Variants in MAD1L1 observed in about 807,000 individuals in gnomAD.
The protein encoded by MAD1L1 is mitotic arrest deficient 1 like 1.
In MAD1L1, 95 loss-of-function variants were observed where a neutral mutation model predicts 96.9. That is an observed-to-expected ratio of 0.98 (90% CI 0.83 to 1.16). MAD1L1 has a LOEUF of 1.16. Among genes scored for constraint, MAD1L1 ranks in the 50% most tolerant of loss-of-function variants. The probability of loss-of-function intolerance (pLI) is 0.00; values close to 1 mark genes in which losing one functional copy is unlikely to be tolerated. For synonymous variants in MAD1L1, 473 were observed against 396.6 expected, an observed-to-expected ratio of 1.19 and a Z score of -2.29; for missense variants, 1,007 against 954.4, an observed-to-expected ratio of 1.06 and a Z score of -0.73.
chr7:2,104,077 G>C (rs56055755), intron 11 of MAD1L1, among the ~76,000 whole-genome samples: 4,125 of 152,312 alleles, frequency 0.027, 98 homozygotes, highest in South Asian at 0.09. Context: ...AGAGCTCTCC[G>C]GGCCAACTGC....
At chr7:2,082,700 T>G (rs949683404) in intron 11 of MAD1L1, among the ~76,000 whole-genome samples, 4 of 152,204 alleles carry the variant, frequency 2.6e-5, no homozygotes, top group Non-Finnish European at 5.9e-5. Context: ...CAAAGCGATC[T>G]CTGTGGCGTC....
At chr7:2,080,981 A>G (rs3800880) in intron 11 of MAD1L1, among the ~76,000 whole-genome samples, 100,461 of 152,068 alleles carry the variant, frequency 0.66, 33,390 homozygotes, top group South Asian at 0.77. Flanking sequence ...GCCTCTCAGC[A>G]TGCCCAAGGT....
intron 3 of MAD1L1, 110 bp from the exon 4 acceptor site, chr7:2,225,660 C>T: frequency 1.1e-5 from 14 of 1,230,698 alleles, no homozygotes; most frequent in African/African-American, 1.5e-5. Context: ...CCGCAGGTCC[C>T]GTGCTAAGTC....
intron 17 of MAD1L1, among the ~76,000 whole-genome samples, chr7:1,902,009 G>A (rs1427050372): frequency 6.6e-6 from 1 of 152,228 alleles, no homozygotes; most frequent in Non-Finnish European, 1.5e-5. Flanking sequence ...AGGCCTCGGT[G>A]AGGGGCAAGA....
intron 12 of MAD1L1, among the ~76,000 whole-genome samples, chr7:2,068,683 G>A (rs1347051272): frequency 1.3e-5 from 2 of 152,220 alleles, no homozygotes; most frequent in East Asian, 3.8e-4. Flanking sequence ...CGTCTTTCAT[G>A]CTCCAGCGAC....
Position 2,114,178 on chromosome 7 carries a change from G to A in MAD1L1, c.1073+34974C>T, listed in dbSNP as rs1261525753. ...CGACTTCTGCAACTTTCCTGTCAGT[G>A]TAACATTATGTCAAAATGAAAAGTT... On this transcript the variant is annotated intron_variant, in intron 11 of 18. Transcript: ENST00000265854. This position sits in a 1 kb window ranked among gnomAD's most constrained non-coding sequence, Gnocchi z 4.2. Among the ~76,000 whole-genome samples, 1 of 152,252 alleles carries A rather than the reference G, an allele frequency of 6.6e-6. No homozygotes were observed. Among genetic ancestry groups the A allele is most frequent in the Non-Finnish European group, 1.5e-5 (1 of 68,046 alleles).
Position 2,149,350 on chromosome 7 carries a change from C to A in MAD1L1, c.987-112G>T, listed in dbSNP as rs986255397. ...CCTCTGTAGCTGATGCTCTGGGACC[C>A]AGGATGTGTGAACTCTGTGGACCCA... On this transcript the variant is annotated intron_variant, in intron 10 of 18. Transcript: ENST00000265854. The A allele has an allele frequency of 8.2e-6, 7 of 850,682 alleles. No homozygotes were observed. In the African/African-American group the frequency reaches 9.9e-5, roughly 12 times the overall value. 52.7% of individuals were successfully genotyped at this position (850,682 alleles called of 1,614,324 possible). A position where few individuals can be genotyped will look rare whatever the true frequency, so the allele number is the denominator to read the frequency against.
intron 17 of MAD1L1, among the ~76,000 whole-genome samples, chr7:1,933,682 G>T (rs777969288): frequency 6.6e-6 from 1 of 152,240 alleles, no homozygotes. Context: ...CCTGGGTACT[G>T]CACTTTAAGT....
chr7:2,150,292 G>A (rs1465088070), intron 10 of MAD1L1, among the ~76,000 whole-genome samples: 4 of 152,010 alleles, frequency 2.6e-5, no homozygotes, highest in Non-Finnish European at 5.9e-5. Flanking sequence ...AGTCAGCCAC[G>A]GCCACGGAGA....
At chr7:1,917,552 T>C (rs1162695671) in intron 17 of MAD1L1, among the ~76,000 whole-genome samples, 1 of 152,208 alleles carries the variant, frequency 6.6e-6, no homozygotes, top group African/African-American at 2.4e-5. Flanking sequence ...CCCACTTCAA[T>C]CAGGTTTAAA....
At chr7:1,982,432 C>G (rs1401694211) in intron 14 of MAD1L1, among the ~76,000 whole-genome samples, 9 of 152,224 alleles carry the variant, frequency 5.9e-5, no homozygotes, top group Non-Finnish European at 1.3e-4. Context: ...TGGTCCCGAT[C>G]TCCTGACCTC....
At chr7:2,102,607 A>ATCGC (rs1342203262) in intron 11 of MAD1L1, among the ~76,000 whole-genome samples, 1 of 150,908 alleles carries the variant, frequency 6.6e-6, no homozygotes, top group East Asian at 2.0e-4. Context: ...ACCATCGGTG[A>ATCGC]CACCACGGTC....
At chr7:2,226,562 G>A (rs999417519) in intron 3 of MAD1L1, among the ~76,000 whole-genome samples, 2 of 152,218 alleles carry the variant, frequency 1.3e-5, no homozygotes, top group Non-Finnish European at 2.9e-5. Flanking sequence ...CCGGCCTTTG[G>A]GTACGACCTG....
chr7:1,948,773 G>A (rs896085940), intron 16 of MAD1L1, among the ~76,000 whole-genome samples: 4 of 152,128 alleles, frequency 2.6e-5, no homozygotes, highest in African/African-American at 4.8e-5. Context: ...TTCCTAATCT[G>A]GCCAAGGCTG....
chr7:2,024,193 T>C (rs1304285618), intron 12 of MAD1L1, among the ~76,000 whole-genome samples: 1 of 151,922 alleles, frequency 6.6e-6, no homozygotes. Context: ...CCTATAGGCA[T>C]CTAAAGGGTA....
chr7:2,055,665 G>A lies in MAD1L1; in HGVS notation c.1218+13529C>T, dbSNP rs541485878. Among the ~76,000 whole-genome samples the A allele has an allele frequency of 1.4e-3, 151 of 110,860 alleles. 1 individual carries two copies. The highest frequency in any genetic ancestry group is 5.3e-4 in the Non-Finnish European group (30 of 57,086). The allele number at this position is 110,860 out of a possible 152,430, so 72.7% of individuals were successfully genotyped here. A position where few individuals can be genotyped will look rare whatever the true frequency, so the allele number is the denominator to read the frequency against. On this transcript the variant is annotated intron_variant, in intron 12 of 18. Transcript: ENST00000265854. ...AGCCTGGGTGACACAGAGAGACCCT[G>A]TCTCAAAAAAAAAAAAAAAAAAAAA...
At chr7:2,066,473 C>T (rs538470386) in intron 12 of MAD1L1, among the ~76,000 whole-genome samples, 4 of 152,354 alleles carry the variant, frequency 2.6e-5, no homozygotes, top group African/African-American at 4.8e-5. Flanking sequence ...AGTCCATGCC[C>T]GGCGATCAAT....
chr7:2,232,357 G>A (rs1421775432), intron 1 of MAD1L1, among the ~76,000 whole-genome samples: 1 of 152,252 alleles, frequency 6.6e-6, no homozygotes, highest in African/African-American at 2.4e-5. Flanking sequence ...AACGAGATCA[G>A]GGTGGCCCTT....
chr7:1,998,120 C>T (rs1157163085), intron 14 of MAD1L1, among the ~76,000 whole-genome samples: 2 of 152,202 alleles, frequency 1.3e-5, no homozygotes, highest in Non-Finnish European at 1.5e-5. Context: ...AAACCTCCAG[C>T]CCAGCGCTGC....
Sources: gnomAD v4.1 joint callset for allele counts (sites outside exome capture counted in the v4.1 genomes callset) on GRCh38, gnomAD v4.1.1 for gene constraint, Gnocchi (gnomAD v3.1) non-coding constraint, MANE v1.5 for transcripts, NCBI Gene and HGNC (gene_info 2026-07-23, HGNC 2026-07-21) for gene names.